PEX14: variants seen among roughly 807,000 people sequenced by gnomAD.
PEX14 encodes the protein peroxisomal biogenesis factor 14, also known as peroxisomal membrane protein PEX14.
Under a neutral mutation model 49.5 loss-of-function variants are expected in PEX14, and 15 were observed. The ratio of observed to expected loss-of-function variants is 0.30; its 90% confidence interval spans 0.20 to 0.47. The LOEUF (loss-of-function observed/expected upper bound fraction) is 0.47. PEX14 is among the 20% of genes least tolerant of loss of function. The pLI is 1.00. For synonymous variants in PEX14, 210 were observed against 212.7 expected (o/e 0.99, Z 0.11); for missense variants, 398 against 494.8 (o/e 0.80, Z 1.86).
rs530700583 is a variant in PEX14, at chr1:10,485,111, C to T, written c.36+10109C>T. Among the ~76,000 whole-genome samples the T allele has an allele frequency of 9.9e-5, 15 of 151,646 alleles. No homozygotes were observed. The East Asian group carries it at 1.7e-3, about 18-fold the overall frequency. On this transcript the variant is annotated intron_variant, in intron 1 of 8. Coordinates refer to ENST00000356607, the MANE Select transcript of PEX14 (RefSeq NM_004565.3). ...CCACAGGATTCCTTCTCATTCTGGG[C>T]TACTGTGAGTATTTGTGTATGTGTA... is the stretch of plus-strand genomic sequence containing the variant.
chr1:10,527,674 T>G (rs1056984415), intron 2 of PEX14, among the ~76,000 whole-genome samples: 1 of 151,972 alleles, frequency 6.6e-6, no homozygotes, highest in African/African-American at 2.4e-5. Context: ...TTATTTATTT[T>G]TTTGTTTGTT....
chr1:10,570,296 GT>G, intron 3 of PEX14, among the ~76,000 whole-genome samples: 1 of 151,900 alleles, frequency 6.6e-6, no homozygotes, highest in African/African-American at 2.4e-5. Flanking sequence ...ATTAATTTCT[GT>G]TTCTTCCAAG....
rs1001521108 is a variant in PEX14, at chr1:10,629,156, A to G, written c.678-375A>G. Among the ~76,000 whole-genome samples the G allele has an allele frequency of 6.6e-6, 1 of 152,170 alleles. No homozygotes were observed. The highest frequency in any genetic ancestry group is 2.4e-5 in the African/African-American group (1 of 41,448). On this transcript the variant is annotated intron_variant, in intron 8 of 8. Transcript: ENST00000356607. This position sits in a 1 kb window ranked among gnomAD's most constrained non-coding sequence, Gnocchi z 8.5. ...CATAGCCCTTTTGGACTCCTCACCA[A>G]CCTGTCTCTCTCCTGGCCACTGGGT...
chr1:10,502,939 C>G (rs148504436), intron 2 of PEX14, among the ~76,000 whole-genome samples: 2 of 151,398 alleles, frequency 1.3e-5, no homozygotes, highest in South Asian at 2.1e-4. Flanking sequence ...CTGGGACTAC[C>G]GGTGCACACC....
intron 3 of PEX14, among the ~76,000 whole-genome samples, chr1:10,559,357 A>G (rs904959779): frequency 4.6e-5 from 7 of 152,124 alleles, no homozygotes; most frequent in African/African-American, 1.4e-4. Context: ...TTTTTCACCT[A>G]TTTGGTCCAG....
chr1:10,573,717 A>G (rs1015027439), intron 3 of PEX14, among the ~76,000 whole-genome samples: 8 of 152,222 alleles, frequency 5.3e-5, no homozygotes, highest in East Asian at 1.9e-4. Context: ...TTTATGACCT[A>G]GCAATTCCAT....
intron 3 of PEX14, among the ~76,000 whole-genome samples, chr1:10,546,993 A>G (rs1203696730): frequency 2.6e-5 from 4 of 152,292 alleles, no homozygotes; most frequent in South Asian, 4.2e-4. Flanking sequence ...TGACTGCCAG[A>G]TAATTTGCCA....
rs139604374 is a variant in PEX14, at chr1:10,512,784, C to T, written c.84+17463C>T. ...CGTGATGTCGGCTCACTGCAACCTC[C>T]GCCTCACGGGTTCAAGCGATTCCCT... is the stretch of plus-strand genomic sequence containing the variant. On this transcript the variant is annotated intron_variant, in intron 2 of 8. Transcript: ENST00000356607. This position sits in a 1 kb window ranked among gnomAD's most constrained non-coding sequence, Gnocchi z 4.6. Among the ~76,000 whole-genome samples the T allele has an allele frequency of 4.3e-3, 658 of 152,172 alleles. 5 individuals are homozygous for T. The highest frequency in any genetic ancestry group is 0.015 in the African/African-American group (622 of 41,494).
At chr1:10,487,481 CT>C (rs33968565) in intron 1 of PEX14, among the ~76,000 whole-genome samples, 1,105 of 86,694 alleles carry the variant, frequency 0.013, 4 homozygotes, top group African/African-American at 0.042. Flanking sequence ...TTCTTTCTTT[CT>C]TTTTTTTTTT....
intron 6 of PEX14, 62 bp from the exon 7 acceptor site, chr1:10,624,278 C>T (rs576532515): frequency 1.4e-5 from 15 of 1,066,498 alleles, no homozygotes; most frequent in South Asian, 6.2e-5. Flanking sequence ...GTGTGCGGAC[C>T]GAGCGAGGGG....
At chr1:10,520,285 A>G (rs889573160) in intron 2 of PEX14, among the ~76,000 whole-genome samples, 1 of 151,604 alleles carries the variant, frequency 6.6e-6, no homozygotes, top group African/African-American at 2.4e-5. Context: ...CAGCCTCCCA[A>G]GTAGCTAGGA....
intron 3 of PEX14, among the ~76,000 whole-genome samples, chr1:10,542,816 T>A (rs1354440729): frequency 1.3e-5 from 2 of 152,108 alleles, no homozygotes; most frequent in East Asian, 3.9e-4. Context: ...AGCATTTAGG[T>A]TGATTCCTAT....
intron 2 of PEX14, among the ~76,000 whole-genome samples, chr1:10,509,173 C>T (rs1303978138): frequency 6.6e-6 from 1 of 152,100 alleles, no homozygotes; most frequent in East Asian, 1.9e-4. Flanking sequence ...TGGTCTCAAT[C>T]TCCTGACCTC....
At chr1:10,604,926 T>C (rs1203143234) in intron 4 of PEX14, among the ~76,000 whole-genome samples, 1 of 152,196 alleles carries the variant, frequency 6.6e-6, no homozygotes, top group Non-Finnish European at 1.5e-5. Flanking sequence ...CTGTAGTGCC[T>C]ACCCTGTGTG....
chr1:10,602,276 A>G (rs1641007914), intron 4 of PEX14, among the ~76,000 whole-genome samples: 2 of 152,184 alleles, frequency 1.3e-5, no homozygotes, highest in African/African-American at 4.8e-5. Flanking sequence ...TGTAAAAACA[A>G]TGGTAATGAT....
chr1:10,550,351 A>G (rs1396234975), intron 3 of PEX14, among the ~76,000 whole-genome samples: 2 of 152,212 alleles, frequency 1.3e-5, no homozygotes, highest in African/African-American at 2.4e-5. Context: ...CCATCTGGAG[A>G]CACCATGGAA....
intron 7 of PEX14, 41 bp from the exon 8 acceptor site, chr1:10,627,231 G>T (rs200051056): frequency 8.9e-6 from 13 of 1,460,098 alleles, no homozygotes; most frequent in Admixed American, 8.4e-5. Context: ...CGCCCGTGCC[G>T]CAAGGCGCCC....
chr1:10,487,524 C>T (rs1407482270), intron 1 of PEX14, among the ~76,000 whole-genome samples: 1 of 109,010 alleles, frequency 9.2e-6, no homozygotes, highest in Non-Finnish European at 1.7e-5. Context: ...CTTGCCCTAT[C>T]GCCAGGCTGG....
Position 10,512,956 on chromosome 1 carries a change from C to G in PEX14, c.84+17635C>G, listed in dbSNP as rs1445918228. Among the ~76,000 whole-genome samples the G allele has an allele frequency of 6.6e-6, 1 of 152,204 alleles. No individual in the cohort carries two copies. Among genetic ancestry groups the G allele is most frequent in the Non-Finnish European group, 1.5e-5 (1 of 68,044 alleles). On this transcript the variant is annotated intron_variant, in intron 2 of 8. Transcript: ENST00000356607. This position sits in a 1 kb window ranked among gnomAD's most constrained non-coding sequence, Gnocchi z 4.6. ...TCGTGATCCACCCACCTTGGTCTCCCAGAATGCTGGGATTACAGGCGTAGG... is the reference window on the plus strand; with the variant it reads ...TCGTGATCCACCCACCTTGGTCTCCGAGAATGCTGGGATTACAGGCGTAGG...
Sources: allele counts gnomAD v4.1 joint callset (sites outside exome capture counted in the v4.1 genomes callset), GRCh38; gene constraint gnomAD v4.1.1; non-coding constraint Gnocchi (gnomAD v3.1); transcripts MANE v1.5; gene names NCBI Gene and HGNC (gene_info 2026-07-23, HGNC 2026-07-21).